The following NDUFV2 variants were observed in gnomAD, a reference collection of about 807,000 sequenced individuals.
NDUFV2 encodes the protein NADH:ubiquinone oxidoreductase core subunit V2.
NDUFV2 carries 18 observed loss-of-function variants against 31.6 expected under a neutral mutation model. The observed-to-expected ratio is 0.57, with a 90% confidence interval of 0.39 to 0.84. The LOEUF (loss-of-function observed/expected upper bound fraction) is 0.84, where lower values mean the gene tolerates loss of function less well. NDUFV2 is among the 40% of genes least tolerant of loss of function. The pLI, the probability that NDUFV2 is intolerant of heterozygous loss-of-function variation, is 0.00. For missense variants in NDUFV2, 314 were observed against 303.6 expected (o/e 1.03, Z -0.26); for synonymous variants, 83 against 99.8 (o/e 0.83, Z 1.01).
chr18:9,114,726 G>A (rs907337252), intron 1 of NDUFV2, among the ~76,000 whole-genome samples: 3 of 152,096 alleles, frequency 2.0e-5, no homozygotes, highest in Non-Finnish European at 2.9e-5. Context: ...TTTTCCTAGA[G>A]TTTAGCTACT....
intron 2 of NDUFV2, among the ~76,000 whole-genome samples, chr18:9,118,644 A>G (rs2077911412): frequency 6.6e-6 from 1 of 152,124 alleles, no homozygotes; most frequent in Non-Finnish European, 1.5e-5. Flanking sequence ...TTCACCACAC[A>G]TACATAACAT....
At chr18:9,103,981 G>C (rs1191802037) in intron 1 of NDUFV2, 3 of 578,482 alleles carry the variant, frequency 5.2e-6, no homozygotes, top group East Asian at 6.0e-5. Flanking sequence ...GACAGTTCCC[G>C]TTCTTTTGGA....
At chr18:9,110,770 A>C (rs1242394644) in intron 1 of NDUFV2, among the ~76,000 whole-genome samples, 2 of 152,172 alleles carry the variant, frequency 1.3e-5, no homozygotes, top group African/African-American at 4.8e-5. Context: ...GGCTTTCCAA[A>C]GTTCTGGGAT....
intron 1 of NDUFV2, chr18:9,104,265 G>T (rs761297012): frequency 6.2e-7 from 1 of 1,612,590 alleles, no homozygotes; most frequent in African/African-American, 1.3e-5. Context: ...AGAGACAGGG[G>T]CCAGATATTG....
intron 4 of NDUFV2, among the ~76,000 whole-genome samples, chr18:9,120,405 TAA>T (rs1473645593): frequency 8.5e-5 from 13 of 152,206 alleles, no homozygotes; most frequent in African/African-American, 2.7e-4. Flanking sequence ...TTCTAATTAT[TAA>T]GTTATGATTT....
At chr18:9,122,298 C>T (rs1015501444) in intron 4 of NDUFV2, among the ~76,000 whole-genome samples, 1 of 151,972 alleles carries the variant, frequency 6.6e-6, no homozygotes, top group Non-Finnish European at 1.5e-5. Context: ...CATTAACTTT[C>T]GGGCTCTGTA....
chr18:9,117,788 A>T (rs2077906423), intron 1 of NDUFV2, 50 bp from the exon 2 acceptor site: 4 of 1,080,872 alleles, frequency 3.7e-6, no homozygotes, highest in East Asian at 2.4e-5. Flanking sequence ...TTTATGAAAA[A>T]TTTTTTAAGG....
intron 1 of NDUFV2, chr18:9,104,319 G>T (rs2077830444): frequency 1.9e-6 from 3 of 1,594,394 alleles, no homozygotes. Context: ...TTTAGAGGCC[G>T]TCAGGAGTCA....
chr18:9,108,492 AGAT>A lies in NDUFV2; in HGVS notation c.54+5696_54+5698del, dbSNP rs1339225466. 5.9e-5 allele frequency among the ~76,000 whole-genome samples: 9 copies of A among 152,304 alleles called. No homozygotes were observed. In the East Asian group the frequency reaches 1.7e-3, roughly 29 times the overall value. On this transcript the variant is annotated intron_variant, in intron 1 of 7. Coordinates refer to ENST00000318388, the MANE Select transcript of NDUFV2 (RefSeq NM_021074.5). Reference sequence around the variant, plus strand: ...CCTTAATTTTCTCACCTGTAAAACAAGATAATAATACCTACTTGGTAGGCTTGC... The same window carrying A: ...CCTTAATTTTCTCACCTGTAAAACAAAATAATACCTACTTGGTAGGCTTGC...
Position 9,119,406 on chromosome 18 carries a change from T to G in NDUFV2, c.183+18T>G. On this transcript the variant is annotated intron_variant, in intron 3 of 7. Coordinates refer to ENST00000318388, the MANE Select transcript of NDUFV2 (RefSeq NM_021074.5). Reference sequence around the variant, plus strand: ...ACTATAAGGTATGGCTAAATTAACATTATAATTAATTTACCAAATAGGTAA... The same window carrying G: ...ACTATAAGGTATGGCTAAATTAACAGTATAATTAATTTACCAAATAGGTAA... 1 of 1,599,764 alleles carries G rather than the reference T, an allele frequency of 6.3e-7. No individual in the cohort carries two copies. Among genetic ancestry groups the G allele is most frequent in the Non-Finnish European group, 8.6e-7 (1 of 1,167,238 alleles).
intron 7 of NDUFV2, among the ~76,000 whole-genome samples, chr18:9,130,956 A>G (rs1262644358): frequency 6.6e-6 from 1 of 152,216 alleles, no homozygotes; most frequent in Admixed American, 6.5e-5. Context: ...CTTGAACACC[A>G]TGGGCGTTAG....
intron 1 of NDUFV2, among the ~76,000 whole-genome samples, chr18:9,108,411 G>C (rs2077852282): frequency 6.6e-6 from 1 of 152,114 alleles, no homozygotes; most frequent in Non-Finnish European, 1.5e-5. Context: ...ATCTGTATGT[G>C]GCATTTCATT....
At chr18:9,107,843 T>C (rs1216849518) in intron 1 of NDUFV2, among the ~76,000 whole-genome samples, 2 of 151,924 alleles carry the variant, frequency 1.3e-5, no homozygotes, top group African/African-American at 4.8e-5. Context: ...GGGTAGGAGA[T>C]GGAGGTTTAG....
chr18:9,127,181 G>C (rs1189221244), intron 7 of NDUFV2, among the ~76,000 whole-genome samples: 2 of 152,100 alleles, frequency 1.3e-5, no homozygotes, highest in African/African-American at 4.8e-5. Context: ...ATAGAAGATT[G>C]ACCCAAAGAC....
chr18:9,110,604 C>T (rs2077865212), intron 1 of NDUFV2, among the ~76,000 whole-genome samples: 1 of 152,252 alleles, frequency 6.6e-6, no homozygotes, highest in South Asian at 2.1e-4. Flanking sequence ...ACCTCTTGGG[C>T]GCAAGCGATG....
intron 4 of NDUFV2, among the ~76,000 whole-genome samples, chr18:9,121,937 GTGAT>G (rs148799939): frequency 0.011 from 1,668 of 152,272 alleles, 39 homozygotes; most frequent in African/African-American, 0.039. Context: ...AGAGGAGTGT[GTGAT>G]TGTGTATGAT....
Position 9,117,788 on chromosome 18 carries a change from ATTT to A in NDUFV2, c.55-46_55-44del, listed in dbSNP as rs771186186. ...ATCCTAAAGTATTTCTTTATGAAAA[ATTT>A]TTTAAGGCTATGATTTACTAAACTT... is the stretch of plus-strand genomic sequence containing the variant. On this transcript the variant is annotated intron_variant, in intron 1 of 7. Transcript: ENST00000318388. 10 of 1,080,872 alleles carry A rather than the reference ATTT, an allele frequency of 9.3e-6. No homozygotes were observed. The African/African-American group carries it at 1.6e-4, about 17-fold the overall frequency. 67.0% of individuals were successfully genotyped at this position (1,080,872 alleles called of 1,614,324 possible). A position where few individuals can be genotyped will look rare whatever the true frequency, so the allele number is the denominator to read the frequency against.
At chr18:9,108,738 T>C (rs371377699) in intron 1 of NDUFV2, among the ~76,000 whole-genome samples, 9 of 149,956 alleles carry the variant, frequency 6.0e-5, no homozygotes, top group Admixed American at 3.4e-4. Flanking sequence ...TTGCCCAGGC[T>C]GGAGTTCAGT....
At chr18:9,116,521 A>G (rs2077898958) in intron 1 of NDUFV2, among the ~76,000 whole-genome samples, 1 of 152,200 alleles carries the variant, frequency 6.6e-6, no homozygotes, top group African/African-American at 2.4e-5. Flanking sequence ...AACCAACACA[A>G]TCAAAGCCCC....
Sources: allele counts gnomAD v4.1 joint callset (sites outside exome capture counted in the v4.1 genomes callset), GRCh38; gene constraint gnomAD v4.1.1; transcripts MANE v1.5; gene names NCBI Gene and HGNC (gene_info 2026-07-23, HGNC 2026-07-21).